PGK1: variants seen among roughly 807,000 people sequenced by gnomAD.
PGK1 encodes the protein phosphoglycerate kinase 1, also known as PRP 2.
PGK1 carries 3 observed loss-of-function variants against 26.9 expected under a neutral mutation model. The observed-to-expected ratio is 0.11, with a 90% CI of 0.05 to 0.29. PGK1 has a LOEUF of 0.29. Ranked by LOEUF, PGK1 falls within the 10% of genes least tolerant of loss-of-function variation. The pLI is 1.00. For missense variants in PGK1, 270 were observed against 314.7 expected (o/e 0.86, Z 1.07); for synonymous variants, 125 against 115.3 (o/e 1.08, Z -0.54).
intron 1 of PGK1, among the ~76,000 whole-genome samples, chrX:78,108,085 T>C (rs1372274150): frequency 3.6e-5 from 4 of 110,534 alleles, no homozygotes; most frequent in African/African-American, 1.3e-4. Flanking sequence ...CTGTTGTGAG[T>C]GTAGGAGATA....
chrX:78,120,414 A>C (rs949637433), intron 6 of PGK1, among the ~76,000 whole-genome samples: 2 of 110,417 alleles, frequency 1.8e-5, no homozygotes, highest in African/African-American at 6.6e-5. Flanking sequence ...AAATATGTGT[A>C]TATATGTGTG....
rs868962885 is a variant in PGK1 at position 78,127,096 on chromosome X, C to T, written c.*1266C>T. The T allele has an allele frequency of 8.9e-6, 1 of 112,465 alleles. No homozygotes were observed. The allele number at this position is 112,465 out of a possible 1,213,427, so 9.3% of individuals were successfully genotyped here. A position where few individuals can be genotyped will look rare whatever the true frequency, so the allele number is the denominator to read the frequency against. On this transcript the variant is annotated 3_prime_UTR_variant, in exon 11 of 11. Transcript: ENST00000373316. ...TTTCTTTTACCTCCTGTGTTAGACT[C>T]CTGTTTTCTGGATTCCCCCTTTTCC...
At chrX:78,104,957 C>G (rs782464889) in intron 1 of PGK1, among the ~76,000 whole-genome samples, 1 of 112,089 alleles carries the variant, frequency 8.9e-6, no homozygotes, top group East Asian at 2.8e-4. Context: ...TAGGGCGGGG[C>G]GAACTGGAGG....
chrX:78,123,314 T>G lies in PGK1; in HGVS notation c.876T>G (p.Phe292Leu). 1 of 1,209,681 alleles carries G rather than the reference T, an allele frequency of 8.3e-7. No individual in the cohort carries two copies. Among genetic ancestry groups the G allele is most frequent in the Non-Finnish European group, 1.1e-6 (1 of 893,714 alleles). The stretch of plus-strand genomic sequence containing the variant: ...TTGACTTTGTCACTGCTGACAAGTT[T>G]GATGAGAATGCCAAGACTGGCCAAG... Reference protein sequence around the residue: ...LPVDFVTADKFDENAKTGQAT... With the variant: ...LPVDFVTADKLDENAKTGQAT... The change falls in exon 8 of 11, where the codon TTT becomes TTG. Residue 292 changes from phenylalanine (F) to leucine (L), a missense_variant. Phe to Leu is a conservative substitution (Grantham distance 22). This residue lies in a region of PGK1 where 103 missense variants were observed against 114.6 expected (regional missense o/e 0.90). Coordinates refer to ENST00000373316, the MANE Select transcript of PGK1 (RefSeq NM_000291.4).
intron 2 of PGK1, among the ~76,000 whole-genome samples, 185 bp from the exon 3 acceptor site, chrX:78,113,559 A>G (rs1409134543): frequency 4.5e-5 from 5 of 111,993 alleles, no homozygotes; most frequent in African/African-American, 1.6e-4. Context: ...GAGATTGTAC[A>G]ATCCTAGGTG....
At chrX:78,123,500 C>G (rs1371874451) in intron 8 of PGK1, 126 bp downstream of exon 8, 1 of 559,932 alleles carries the variant, frequency 1.8e-6, no homozygotes, top group African/African-American at 2.3e-5. Context: ...AGAGAGGGCT[C>G]TGCATGTTGC....
chrX:78,119,417 A>ATC (rs200430473), intron 6 of PGK1, among the ~76,000 whole-genome samples: 1,873 of 111,868 alleles, frequency 0.017, 18 homozygotes, highest in Non-Finnish European at 0.027. Flanking sequence ...TGGTGTGGTG[A>ATC]TCTAGGTAGC....
At chrX:78,107,961 C>T (rs1245342519) in intron 1 of PGK1, among the ~76,000 whole-genome samples, 6 of 77,998 alleles carry the variant, frequency 7.7e-5, no homozygotes, top group African/African-American at 1.6e-4. Flanking sequence ...TATAAGGAAA[C>T]GAAAAAAAAA....
intron 1 of PGK1, among the ~76,000 whole-genome samples, chrX:78,107,962 GAAA>G (rs146163611): frequency 4.0e-5 from 3 of 74,818 alleles, no homozygotes; most frequent in South Asian, 6.1e-4. Flanking sequence ...ATAAGGAAAC[GAAA>G]AAAAAAAAAA....
chrX:78,118,118 T>C lies in PGK1; in HGVS notation c.589T>C (p.Phe197Leu), dbSNP rs2078335376. 8.3e-7 allele frequency: 1 copy of C among 1,207,671 alleles called. No individual in the cohort carries two copies. Among genetic ancestry groups the C allele is most frequent in the African/African-American group, 1.8e-5 (1 of 57,072 alleles). The change falls in exon 6 of 11, where the codon TTT (phenylalanine) becomes CTT (leucine). Residue 197 changes from phenylalanine (F) to leucine (L), a missense_variant. Around this residue, in one of 3 missense-constraint regions of PGK1, gnomAD observed 150 missense variants for 154.6 expected, o/e 0.97. Transcript: ENST00000373316. ...TTTGATGAAGAAGGAGCTGAACTAC[T>C]TTGCAAAGGCCTTGGAGAGCCCAGA... ...GFLMKKELNY[F>L]AKALESPERP...
chrX:78,109,719 C>A (rs2078290762), intron 1 of PGK1, 148 bp from the exon 2 acceptor site: 4 of 500,584 alleles, frequency 8.0e-6, no homozygotes, highest in South Asian at 2.7e-5. Flanking sequence ...CTCCCCATGA[C>A]TAACCACTAT....
At chrX:78,104,664 G>C (rs2078260372) in intron 1 of PGK1, among the ~76,000 whole-genome samples, 1 of 111,311 alleles carries the variant, frequency 9.0e-6, no homozygotes, top group Non-Finnish European at 1.9e-5. Flanking sequence ...GACCCATTTT[G>C]TCCTTTTTCC....
At chrX:78,104,450 A>T in intron 1 of PGK1, 45 bp downstream of exon 1, 2 of 1,014,499 alleles carry the variant, frequency 2.0e-6, no homozygotes, top group Non-Finnish European at 2.8e-6. Context: ...CTCTGTCGCA[A>T]ACCTCTTTGG....
rs1557248563 is a variant in PGK1 at position 78,125,323 on chromosome X, A to G, written c.1115-4A>G. 4.2e-6 allele frequency: 5 copies of G among 1,180,896 alleles called. No individual in the cohort carries two copies. Among genetic ancestry groups the G allele is most frequent in the Non-Finnish European group, 5.8e-6 (5 of 867,905 alleles). On this transcript the variant is annotated splice_polypyrimidine_tract_variant and splice_region_variant and intron_variant, in intron 9 of 10. Transcript: ENST00000373316. Reference sequence around the variant, plus strand: ...TCCCTTTTTACCTGGCTTTCATTCAACAGGTGGTGGAGACACTGCCACTTG... The same window carrying G: ...TCCCTTTTTACCTGGCTTTCATTCAGCAGGTGGTGGAGACACTGCCACTTG...
intron 8 of PGK1, among the ~76,000 whole-genome samples, chrX:78,123,616 T>G (rs782497337): frequency 4.2e-4 from 45 of 107,761 alleles, no homozygotes; most frequent in East Asian, 1.2e-3. Flanking sequence ...TGTTGTTTTT[T>G]TTTTTTTTTT....
intron 1 of PGK1, chrX:78,106,368 G>T (rs2078272637): frequency 1.4e-6 from 1 of 733,247 alleles, no homozygotes; most frequent in African/African-American, 2.3e-5. Context: ...CCGTAACCTG[G>T]ATACCTTCTA....
At chrX:78,114,677 G>A (rs180738226) in intron 4 of PGK1, among the ~76,000 whole-genome samples, 173 of 111,483 alleles carry the variant, frequency 1.6e-3, no homozygotes, top group African/African-American at 5.4e-3. Context: ...CATTCAATCA[G>A]CAAACTTTTT....
rs1308644896 is a variant in PGK1, at chrX:78,128,584, C to T, written c.*2754C>T. On this transcript the variant is annotated 3_prime_UTR_variant, in exon 11 of 11. Transcript: ENST00000373316. ...ACAAAACAGTATAAGGATGTGCTTT[C>T]TAATTTGGAATTATGAATTATTGGT... The T allele has an allele frequency of 5.3e-5, 6 of 112,174 alleles. No homozygotes were observed. The highest frequency in any genetic ancestry group is 1.1e-4 in the Non-Finnish European group (6 of 53,245). 9.2% of individuals were successfully genotyped at this position (112,174 alleles called of 1,213,427 possible).
chrX:78,124,486 G>T (rs1265885174), intron 8 of PGK1, among the ~76,000 whole-genome samples: 1 of 110,588 alleles, frequency 9.0e-6, no homozygotes, highest in East Asian at 2.8e-4. Flanking sequence ...TGAATTGTAA[G>T]GTTGTTTAAA....
Sources: allele counts gnomAD v4.1 joint callset (sites outside exome capture counted in the v4.1 genomes callset), GRCh38; gene constraint gnomAD v4.1.1; regional missense constraint gnomAD v4.1.1; transcripts MANE v1.5; gene names NCBI Gene and HGNC (gene_info 2026-07-23, HGNC 2026-07-21).